The following CNTN5 variants were observed in gnomAD, a reference collection of about 807,000 sequenced individuals.
CNTN5 encodes the protein contactin 5, also known as contactin-5.
Under a neutral mutation model 129.1 loss-of-function variants are expected in CNTN5, and 77 were observed. The observed-to-expected ratio is 0.60, with a 90% CI of 0.50 to 0.72. CNTN5 has a LOEUF of 0.72. Among genes scored for constraint, CNTN5 ranks in the 30% least tolerant of loss-of-function variants. The pLI, the probability that CNTN5 is intolerant of heterozygous loss-of-function variation, is 0.00. For synonymous variants in CNTN5, 509 were observed against 465.6 expected (o/e 1.09, Z -1.20); for missense variants, 1,478 against 1,328.8 (o/e 1.11, Z -1.75).
chr11:99,970,674 G>A (rs1441041066), intron 8 of CNTN5, among the ~76,000 whole-genome samples: 6 of 152,136 alleles, frequency 3.9e-5, no homozygotes, highest in Non-Finnish European at 5.9e-5. Flanking sequence ...CATGTGTTGC[G>A]GGGGAGGTGC....
At position 99,955,142 on chromosome 11, in the gene CNTN5, T is replaced by C. The variant is rs1050867866; in HGVS notation, c.674-1664T>C. Among the ~76,000 whole-genome samples the C allele has an allele frequency of 4.0e-5, 6 of 150,926 alleles. No homozygotes were observed. In the South Asian group the frequency reaches 1.0e-3, roughly 26 times the overall value. Reference sequence around the variant, plus strand: ...AGATTTTAGTAAAATAATAAAAAAATTTGATTTTAGTAAATTATCTAAAAT... The same window carrying C: ...AGATTTTAGTAAAATAATAAAAAAACTTGATTTTAGTAAATTATCTAAAAT... On this transcript the variant is annotated intron_variant, in intron 7 of 24. Transcript: ENST00000524871.
At chr11:100,218,650 A>G (rs1949194605) in intron 15 of CNTN5, among the ~76,000 whole-genome samples, 1 of 152,236 alleles carries the variant, frequency 6.6e-6, no homozygotes, top group African/African-American at 2.4e-5. Context: ...TTACGTAGCC[A>G]GTCCTGGTGG....
At chr11:99,650,571 A>G (rs1263563529) in intron 3 of CNTN5, among the ~76,000 whole-genome samples, 1 of 151,888 alleles carries the variant, frequency 6.6e-6, no homozygotes, top group Non-Finnish European at 1.5e-5. Context: ...TTCCTTAGAC[A>G]AAAAGCAAGG....
intron 1 of CNTN5, among the ~76,000 whole-genome samples, chr11:99,037,576 CTTT>C (rs1161467398): frequency 1.2e-3 from 129 of 105,644 alleles, no homozygotes; most frequent in Non-Finnish European, 1.8e-3. Flanking sequence ...TTTTTCTTTT[CTTT>C]TTTTTTTTTT....
chr11:100,035,053 G>A (rs1941909895), intron 9 of CNTN5, among the ~76,000 whole-genome samples: 1 of 152,042 alleles, frequency 6.6e-6, no homozygotes. Context: ...CATGTGCCAT[G>A]TTGGTGTGCT....
intron 13 of CNTN5, among the ~76,000 whole-genome samples, chr11:100,085,552 G>A (rs549220662): frequency 2.0e-4 from 31 of 152,144 alleles, no homozygotes; most frequent in African/African-American, 7.2e-4. Context: ...GGAGGCACCT[G>A]TCTGGTGGAA....
At chr11:99,474,700 A>G (rs1193123396) in intron 2 of CNTN5, among the ~76,000 whole-genome samples, 1 of 152,080 alleles carries the variant, frequency 6.6e-6, no homozygotes, top group African/African-American at 2.4e-5. Context: ...TTTTTATTCA[A>G]TTTTTAATGT....
intron 2 of CNTN5, among the ~76,000 whole-genome samples, chr11:99,394,703 A>G (rs1366744029): frequency 6.6e-6 from 1 of 151,310 alleles, no homozygotes; most frequent in Non-Finnish European, 1.5e-5. Context: ...CTCACCCTTC[A>G]TCCTCTGAAA....
At chr11:99,573,210 A>C (rs1390079356) in intron 3 of CNTN5, among the ~76,000 whole-genome samples, 2 of 152,032 alleles carry the variant, frequency 1.3e-5, no homozygotes, top group Non-Finnish European at 2.9e-5. Context: ...TGATTACATA[A>C]TACTCTTTTT....
chr11:99,978,327 T>A (rs1938122750), intron 8 of CNTN5, among the ~76,000 whole-genome samples: 1 of 152,194 alleles, frequency 6.6e-6, no homozygotes, highest in South Asian at 2.1e-4. Context: ...TCATTTATTA[T>A]TAAAGAACAA....
intron 8 of CNTN5, among the ~76,000 whole-genome samples, chr11:99,971,104 C>A (rs1183146833): frequency 6.6e-6 from 1 of 152,156 alleles, no homozygotes; most frequent in Non-Finnish European, 1.5e-5. Flanking sequence ...TATTGAAATT[C>A]ATCTGCCACT....
chr11:100,000,346 C>T (rs951488340), intron 8 of CNTN5, among the ~76,000 whole-genome samples: 1 of 152,064 alleles, frequency 6.6e-6, no homozygotes, highest in African/African-American at 2.4e-5. Context: ...GGCCACAGGC[C>T]ACATGCACAT....
At chr11:100,254,379 C>T (rs542495862) in intron 16 of CNTN5, among the ~76,000 whole-genome samples, 3 of 152,262 alleles carry the variant, frequency 2.0e-5, no homozygotes, top group African/African-American at 7.2e-5. Flanking sequence ...GTTCTCTCAA[C>T]GTTTCCCCTT....
chr11:99,071,563 T>G (rs1266997224), intron 1 of CNTN5, among the ~76,000 whole-genome samples: 1 of 152,178 alleles, frequency 6.6e-6, no homozygotes, highest in Non-Finnish European at 1.5e-5. Flanking sequence ...AAGTTACAAT[T>G]AGTAAAAGCT....
At chr11:99,420,957 G>T (rs1189722892) in intron 2 of CNTN5, among the ~76,000 whole-genome samples, 1 of 152,028 alleles carries the variant, frequency 6.6e-6, no homozygotes, top group Non-Finnish European at 1.5e-5. Context: ...ACAGCTTCTC[G>T]GAAGCATGGA....
chr11:99,043,268 A>G (rs11218170), intron 1 of CNTN5, among the ~76,000 whole-genome samples: 29,012 of 144,882 alleles, frequency 0.2, 3,078 homozygotes, highest in East Asian at 0.31. Flanking sequence ...ATATCTCCCA[A>G]TGCTATCCCT....
intron 3 of CNTN5, among the ~76,000 whole-genome samples, chr11:99,584,782 A>G (rs1483268248): frequency 1.3e-5 from 2 of 152,216 alleles, no homozygotes; most frequent in Non-Finnish European, 2.9e-5. Flanking sequence ...TGAACTGTGA[A>G]ACAAACTAGC....
intron 3 of CNTN5, among the ~76,000 whole-genome samples, chr11:99,661,989 T>C (rs1027288481): frequency 1.8e-4 from 28 of 152,180 alleles, no homozygotes; most frequent in African/African-American, 6.0e-4. Context: ...TGATTGTGTT[T>C]ACATGGTTTT....
At chr11:99,530,900 G>A (rs113238743) in intron 2 of CNTN5, among the ~76,000 whole-genome samples, 1 of 151,974 alleles carries the variant, frequency 6.6e-6, no homozygotes, top group Non-Finnish European at 1.5e-5. Flanking sequence ...TCTTCCCACT[G>A]TTGGGCATGT....
Sources: gnomAD v4.1 joint callset for allele counts (sites outside exome capture counted in the v4.1 genomes callset) on GRCh38, gnomAD v4.1.1 for gene constraint, MANE v1.5 for transcripts, NCBI Gene and HGNC (gene_info 2026-07-23, HGNC 2026-07-21) for gene names.